Variants in ZFHX3 observed in about 807,000 individuals in gnomAD.
ZFHX3 encodes zinc finger homeobox protein 3.
Under a neutral mutation model 279.1 loss-of-function variants are expected in ZFHX3, and 42 were observed. That is an observed-to-expected ratio of 0.15 (90% CI 0.12 to 0.19). The LOEUF (loss-of-function observed/expected upper bound fraction) is 0.19, where lower values mean the gene tolerates loss of function less well. ZFHX3 is among the 10% of genes least tolerant of loss of function. The pLI is 1.00. For missense variants in ZFHX3, 4,981 were observed against 4,754.0 expected (o/e 1.05, Z -1.40); for synonymous variants, 2,293 against 1,957.8 (o/e 1.17, Z -4.52).
chr16:72,829,674 AT>A, intron 5 of ZFHX3, 104 bp downstream of exon 5: 1 of 1,296,088 alleles, frequency 7.7e-7, no homozygotes, highest in Non-Finnish European at 1.1e-6. Context: ...CTAAGGATGT[AT>A]CCGCTCCCTG....
intron 3 of ZFHX3, among the ~76,000 whole-genome samples, chr16:72,912,488 A>C (rs1487886681): frequency 1.3e-5 from 2 of 152,164 alleles, no homozygotes; most frequent in African/African-American, 2.4e-5. Context: ...TTATTTGGAA[A>C]ATTGTTGCAG....
chr16:73,881,140 C>T (rs1273415445), intron 1 of ZFHX3, among the ~76,000 whole-genome samples: 1 of 152,032 alleles, frequency 6.6e-6, no homozygotes, highest in Non-Finnish European at 1.5e-5. Flanking sequence ...CATACTCACT[C>T]ATTCAGAATA....
intron 8 of ZFHX3, among the ~76,000 whole-genome samples, chr16:73,091,299 G>A (rs1173326885): frequency 6.6e-6 from 1 of 152,004 alleles, no homozygotes; most frequent in African/African-American, 2.4e-5. Context: ...TTTCCAAAAG[G>A]GGCATTGGCA....
At chr16:73,682,918 GAGAAAGAGAAAGAA>G (rs2053033329) in intron 1 of ZFHX3, among the ~76,000 whole-genome samples, 4 of 39,330 alleles carry the variant, frequency 1.0e-4, no homozygotes, top group Non-Finnish European at 1.1e-4. Context: ...GAAAGAAAGA[GAGAAAGAGAAAGAA>G]AGAAAGAAAG....
chr16:73,370,573 A>G (rs1291115938), intron 3 of ZFHX3, among the ~76,000 whole-genome samples: 1 of 152,186 alleles, frequency 6.6e-6, no homozygotes, highest in Admixed American at 6.5e-5. Context: ...TGCTAACCCC[A>G]TAACACGATG....
chr16:73,796,269 T>C (rs1959983917), intron 1 of ZFHX3: 1 of 152,176 alleles, frequency 6.6e-6, no homozygotes, highest in Non-Finnish European at 1.5e-5. Context: ...AGATGAGGTC[T>C]AAAAGACAGA....
chr16:73,616,785 A>G (rs1364533448), intron 2 of ZFHX3, among the ~76,000 whole-genome samples: 1 of 152,180 alleles, frequency 6.6e-6, no homozygotes, highest in Non-Finnish European at 1.5e-5. Flanking sequence ...GCTTAGTTTC[A>G]TTTTAAACAA....
At chr16:73,863,335 G>T (rs1454591496) in intron 1 of ZFHX3, among the ~76,000 whole-genome samples, 1 of 152,206 alleles carries the variant, frequency 6.6e-6, no homozygotes, top group East Asian at 1.9e-4. Flanking sequence ...AATGGCCCCA[G>T]AAGGTGGACC....
chr16:73,095,347 C>T (rs1966147684), intron 7 of ZFHX3, among the ~76,000 whole-genome samples: 1 of 152,176 alleles, frequency 6.6e-6, no homozygotes, highest in African/African-American at 2.4e-5. Flanking sequence ...CCCATCTTAG[C>T]TACTGCTGAA....
intron 3 of ZFHX3, among the ~76,000 whole-genome samples, chr16:73,362,292 C>T (rs1324497714): frequency 6.6e-6 from 1 of 152,134 alleles, no homozygotes; most frequent in Non-Finnish European, 1.5e-5. Context: ...TCCAGAGTTC[C>T]CCCCATTATC....
chr16:73,400,369 T>C (rs1170138924), intron 3 of ZFHX3: 1 of 152,158 alleles, frequency 6.6e-6, no homozygotes, highest in Non-Finnish European at 1.5e-5. Context: ...GGATATTCTC[T>C]CCCTGTTACA....
chr16:72,795,620 ATCCTTG>A lies in ZFHX3; in HGVS notation c.7056_7061del (p.Lys2353_Asp2354del), dbSNP rs1251479106. ...TGTCGTCCTGCCCCTCCTCATCCTC[ATCCTTG>A]TAACACAGCTTCTTCTGGTGCTTGA... On this transcript the variant is annotated inframe_deletion, in exon 9 of 10. Coordinates refer to ENST00000268489, the MANE Select transcript of ZFHX3 (RefSeq NM_006885.4). 6 of 1,613,738 alleles carry A rather than the reference ATCCTTG, an allele frequency of 3.7e-6. No individual in the cohort carries two copies. Among genetic ancestry groups the A allele is most frequent in the East Asian group, 4.5e-5 (2 of 44,856 alleles).
chr16:73,522,798 G>A (rs2019628764), intron 2 of ZFHX3, among the ~76,000 whole-genome samples: 2 of 152,184 alleles, frequency 1.3e-5, no homozygotes, highest in African/African-American at 4.8e-5. Flanking sequence ...CTGACTCCCA[G>A]TTCCACCTGG....
chr16:72,880,341 G>C (rs1038464039), intron 4 of ZFHX3, among the ~76,000 whole-genome samples: 15 of 152,318 alleles, frequency 9.8e-5, no homozygotes, highest in Admixed American at 7.2e-4. Context: ...TGAGGATGTA[G>C]CTATGACTGG....
At position 72,959,205 on chromosome 16, in the gene ZFHX3, C is replaced by T. The variant is rs1469786547; in HGVS notation, c.941G>A (p.Arg314Gln). ...GATGTTCTTATTGCTAAGAATTTTC[C>T]GCTCGTCTTCGCTCAGGGTCATTCG... ...DHRMTLSEDE[R>Q]KILSNKNISA... The change falls in exon 2 of 10, where the codon CGG becomes CAG. Residue 314 changes from arginine (R) to glutamine (Q), a missense_variant. Arg to Gln is a conservative substitution (Grantham distance 43). Around this residue, in one of 7 missense-constraint regions of ZFHX3, gnomAD observed 1,068 missense variants for 935.2 expected, o/e 1.14. Transcript: ENST00000268489. 3.7e-6 allele frequency: 6 copies of T among 1,614,120 alleles called. No individual in the cohort carries two copies. The highest frequency in any genetic ancestry group is 1.7e-5 in the Admixed American group (1 of 60,018).
intron 2 of ZFHX3, among the ~76,000 whole-genome samples, chr16:73,507,420 G>A (rs1350972628): frequency 6.6e-6 from 1 of 150,750 alleles, no homozygotes; most frequent in African/African-American, 2.4e-5. Context: ...TCCCTCCCTT[G>A]GATGGACACA....
intron 3 of ZFHX3, among the ~76,000 whole-genome samples, chr16:73,320,758 C>T (rs893916004): frequency 6.6e-6 from 1 of 152,150 alleles, no homozygotes; most frequent in Non-Finnish European, 1.5e-5. Flanking sequence ...CCCGAAATCC[C>T]CACACCCCTC....
At chr16:73,742,387 A>T (rs576988649) in intron 1 of ZFHX3, among the ~76,000 whole-genome samples, 5 of 152,294 alleles carry the variant, frequency 3.3e-5, no homozygotes, top group African/African-American at 1.2e-4. Context: ...TTGTTTCCAT[A>T]GTTTCCACTA....
At chr16:72,848,642 C>A (rs544747550) in intron 4 of ZFHX3, among the ~76,000 whole-genome samples, 1 of 146,736 alleles carries the variant, frequency 6.8e-6, no homozygotes, top group Non-Finnish European at 1.5e-5. Context: ...TGTGCCCCCC[C>A]TCCCACCCCC....
Sources: gnomAD v4.1 joint callset for allele counts (sites outside exome capture counted in the v4.1 genomes callset) on GRCh38, gnomAD v4.1.1 for gene constraint, gnomAD v4.1.1 regional missense constraint, MANE v1.5 for transcripts, NCBI Gene and HGNC (gene_info 2026-07-23, HGNC 2026-07-21) for gene names.